The following MOB3B variants were observed in gnomAD, a reference collection of about 807,000 sequenced individuals.
MOB3B encodes MOB kinase activator 3B.
A neutral mutation model predicts 18.7 loss-of-function variants in MOB3B; 7 were observed. That is an observed-to-expected ratio of 0.37 (90% CI 0.21 to 0.70). The LOEUF (loss-of-function observed/expected upper bound fraction) is 0.70, where lower values mean the gene tolerates loss of function less well. Among genes scored for constraint, MOB3B ranks in the 30% least tolerant of loss-of-function variants. The pLI, the probability that MOB3B is intolerant of heterozygous loss-of-function variation, is 0.52. For missense variants in MOB3B, 253 were observed against 281.3 expected, an observed-to-expected ratio of 0.90 and a Z score of 0.72; for synonymous variants, 111 against 99.9, an observed-to-expected ratio of 1.11 and a Z score of -0.66.
rs1013501528 is a variant in MOB3B, at chr9:27,327,526, A to G, written c.*3061T>C. Reference sequence around the variant, plus strand: ...CACAAACTTGCCTGAACTCTTTAATAATGTCAGTGTCATGAAAGACACACC... The same window carrying G: ...CACAAACTTGCCTGAACTCTTTAATGATGTCAGTGTCATGAAAGACACACC... On this transcript the variant is annotated 3_prime_UTR_variant, in exon 4 of 4. Coordinates refer to ENST00000262244, the MANE Select transcript of MOB3B (RefSeq NM_024761.5). 1.8e-4 allele frequency: 27 copies of G among 152,120 alleles called. No individual in the cohort carries two copies. The highest frequency in any genetic ancestry group is 6.3e-4 in the African/African-American group (26 of 41,474). 9.4% of individuals were successfully genotyped at this position (152,120 alleles called of 1,614,324 possible).
intron 3 of MOB3B, among the ~76,000 whole-genome samples, chr9:27,334,925 G>A (rs1215536131): frequency 2.6e-5 from 4 of 152,192 alleles, no homozygotes; most frequent in African/African-American, 7.2e-5. Context: ...CTGGGGTCAC[G>A]CCATTCTCCA....
Position 27,343,046 on chromosome 9 carries a change from G to T in MOB3B, c.622-12430C>A, listed in dbSNP as rs577199845. On this transcript the variant is annotated intron_variant, in intron 3 of 3. Coordinates refer to ENST00000262244, the MANE Select transcript of MOB3B (RefSeq NM_024761.5). ...GTGGTTTTGTAGAATAGAAAAGGGG[G>T]AAATGTGGGGAAAAGAGATCAGATT... Among the ~76,000 whole-genome samples the T allele has an allele frequency of 8.0e-4, 122 of 151,994 alleles. 1 individual carries two copies. The highest frequency in any genetic ancestry group is 2.9e-3 in the African/African-American group (119 of 41,302).
At chr9:27,403,855 A>G (rs1158091860) in intron 2 of MOB3B, among the ~76,000 whole-genome samples, 1 of 152,208 alleles carries the variant, frequency 6.6e-6, no homozygotes, top group African/African-American at 2.4e-5. Flanking sequence ...ATTCTGATAC[A>G]AGCATACAAT....
intron 2 of MOB3B, among the ~76,000 whole-genome samples, chr9:27,440,729 C>A (rs1006754414): frequency 2.8e-5 from 4 of 142,968 alleles, no homozygotes; most frequent in African/African-American, 1.1e-4. Flanking sequence ...TCAGAAGATT[C>A]ATTTTTTTTT....
chr9:27,416,176 A>G (rs1190275368), intron 2 of MOB3B, among the ~76,000 whole-genome samples: 2 of 152,130 alleles, frequency 1.3e-5, no homozygotes, highest in Non-Finnish European at 2.9e-5. Flanking sequence ...AACTCATGGA[A>G]AAGGTTTGGC....
chr9:27,409,139 A>G (rs1364098272), intron 2 of MOB3B, among the ~76,000 whole-genome samples: 1 of 152,176 alleles, frequency 6.6e-6, no homozygotes, highest in African/African-American at 2.4e-5. Context: ...AAAGTGATGG[A>G]CTGGAATCCG....
intron 2 of MOB3B, among the ~76,000 whole-genome samples, chr9:27,423,535 G>C (rs909989504): frequency 6.6e-6 from 1 of 151,558 alleles, no homozygotes; most frequent in Non-Finnish European, 1.5e-5. Context: ...GGAGCATTTA[G>C]TGTGGAGCAT....
intron 1 of MOB3B, among the ~76,000 whole-genome samples, chr9:27,519,029 G>A (rs183885015): frequency 7.9e-5 from 12 of 152,124 alleles, no homozygotes; most frequent in Middle Eastern, 3.2e-3. Flanking sequence ...CCAGCCTCGG[G>A]GAATCCCAAG....
intron 1 of MOB3B, among the ~76,000 whole-genome samples, chr9:27,512,449 C>T (rs962239293): frequency 1.3e-5 from 2 of 152,144 alleles, no homozygotes; most frequent in African/African-American, 2.4e-5. Context: ...AGGTTCTACT[C>T]TAAGTAAACC....
chr9:27,359,244 A>G lies in MOB3B; in HGVS notation c.419-8T>C, dbSNP rs766952339. On this transcript the variant is annotated splice_polypyrimidine_tract_variant and splice_region_variant and intron_variant, in intron 2 of 3. Transcript: ENST00000262244. ...TCTTTGGGAAGGGAACACCTAGAGA[A>G]GAAAAAAAGAAGAAAGAATGAAACC... 6 of 1,611,806 alleles carry G rather than the reference A, an allele frequency of 3.7e-6. No individual in the cohort carries two copies. The highest frequency in any genetic ancestry group is 5.1e-6 in the Non-Finnish European group (6 of 1,178,016).
intron 1 of MOB3B, among the ~76,000 whole-genome samples, chr9:27,481,977 A>G (rs1481557537): frequency 1.3e-5 from 2 of 152,208 alleles, no homozygotes; most frequent in Non-Finnish European, 2.9e-5. Context: ...CAAACACTGA[A>G]AAAAGGAAAT....
At chr9:27,364,545 A>G (rs1000900128) in intron 2 of MOB3B, among the ~76,000 whole-genome samples, 6 of 152,226 alleles carry the variant, frequency 3.9e-5, no homozygotes, top group African/African-American at 1.4e-4. Flanking sequence ...TATTGATTTA[A>G]AACACAGAGT....
intron 1 of MOB3B, among the ~76,000 whole-genome samples, chr9:27,498,387 A>G (rs1440780976): frequency 2.0e-5 from 3 of 152,136 alleles, no homozygotes; most frequent in Non-Finnish European, 4.4e-5. Context: ...ACCTTTAATT[A>G]GAGGAGCTGG....
intron 2 of MOB3B, among the ~76,000 whole-genome samples, chr9:27,399,641 C>T (rs1237755084): frequency 6.6e-6 from 1 of 152,162 alleles, no homozygotes; most frequent in East Asian, 1.9e-4. Context: ...GTCTTGTGCA[C>T]GTCTCTGAAC....
At chr9:27,331,804 C>T (rs1266623975) in intron 3 of MOB3B, among the ~76,000 whole-genome samples, 1 of 152,150 alleles carries the variant, frequency 6.6e-6, no homozygotes, top group Non-Finnish European at 1.5e-5. Context: ...GACTGCCACA[C>T]CTTATATAAT....
At chr9:27,404,857 C>T (rs1821942026) in intron 2 of MOB3B, among the ~76,000 whole-genome samples, 1 of 152,096 alleles carries the variant, frequency 6.6e-6, no homozygotes, top group East Asian at 1.9e-4. Context: ...TCCATAGTGG[C>T]TATATTAATT....
chr9:27,405,942 A>G (rs967473778), intron 2 of MOB3B, among the ~76,000 whole-genome samples: 5 of 152,228 alleles, frequency 3.3e-5, no homozygotes, highest in African/African-American at 1.2e-4. Flanking sequence ...GATAAAAGCC[A>G]TATATAACAT....
chr9:27,384,113 T>C (rs953782194), intron 2 of MOB3B, among the ~76,000 whole-genome samples: 1 of 152,048 alleles, frequency 6.6e-6, no homozygotes, highest in Non-Finnish European at 1.5e-5. Flanking sequence ...TTGGGGAATA[T>C]TGAAGTTACC....
At chr9:27,351,422 C>T (rs1427147199) in intron 3 of MOB3B, among the ~76,000 whole-genome samples, 1 of 150,370 alleles carries the variant, frequency 6.7e-6, no homozygotes, top group African/African-American at 2.5e-5. Flanking sequence ...CCATTACATG[C>T]CTTGCCCCAT....
Sources: allele counts gnomAD v4.1 joint callset (sites outside exome capture counted in the v4.1 genomes callset), GRCh38; gene constraint gnomAD v4.1.1; transcripts MANE v1.5; gene names NCBI Gene and HGNC (gene_info 2026-07-23, HGNC 2026-07-21).